ULK4: variants seen among roughly 807,000 people sequenced by gnomAD.
ULK4 encodes the protein inactive serine/threonine-protein kinase ULK4.
ULK4 carries 133 observed loss-of-function variants against 160.6 expected under a neutral mutation model. The ratio of observed to expected loss-of-function variants is 0.83; its 90% CI spans 0.72 to 0.96. The LOEUF is 0.96. Ranked by LOEUF, ULK4 falls within the 40% of genes least tolerant of loss-of-function variation. The pLI, the probability that ULK4 is intolerant of heterozygous loss-of-function variation, is 0.00. For synonymous variants in ULK4, 534 were observed against 539.8 expected (o/e 0.99, Z 0.15); for missense variants, 1,580 against 1,499.5 (o/e 1.05, Z -0.89).
At chr3:41,830,376 T>C (rs1055821787) in intron 18 of ULK4, among the ~76,000 whole-genome samples, 5 of 152,134 alleles carry the variant, frequency 3.3e-5, no homozygotes, top group Non-Finnish European at 5.9e-5. Context: ...TGTATGATTC[T>C]ATCTGCATAA....
At chr3:41,815,083 A>G (rs1249092909) in intron 19 of ULK4, among the ~76,000 whole-genome samples, 1 of 151,878 alleles carries the variant, frequency 6.6e-6, no homozygotes, top group Non-Finnish European at 1.5e-5. Flanking sequence ...TAATTTTTGT[A>G]TTTTTAGCAG....
At chr3:41,817,816 C>T (rs1017781408) in intron 19 of ULK4, among the ~76,000 whole-genome samples, 1 of 151,904 alleles carries the variant, frequency 6.6e-6, no homozygotes, top group African/African-American at 2.4e-5. Context: ...GACTTCAACT[C>T]AAGAGCAAAA....
chr3:41,379,425 G>A (rs1021775497), intron 35 of ULK4, among the ~76,000 whole-genome samples: 1 of 152,172 alleles, frequency 6.6e-6, no homozygotes, highest in African/African-American at 2.4e-5. Flanking sequence ...AAATCAAGAT[G>A]CCATGAGAAA....
chr3:41,534,182 C>G (rs2086413630), intron 32 of ULK4, among the ~76,000 whole-genome samples: 1 of 152,158 alleles, frequency 6.6e-6, no homozygotes, highest in Non-Finnish European at 1.5e-5. Flanking sequence ...AATACCAACT[C>G]AAACAGTTTA....
intron 32 of ULK4, among the ~76,000 whole-genome samples, chr3:41,485,395 T>A (rs972775125): frequency 6.6e-6 from 1 of 152,100 alleles, no homozygotes; most frequent in African/African-American, 2.4e-5. Context: ...GGAAGTTGAA[T>A]CTCTCCCCCA....
intron 5 of ULK4, among the ~76,000 whole-genome samples, chr3:41,931,500 G>A (rs895707452): frequency 7.2e-6 from 1 of 138,780 alleles, no homozygotes; most frequent in Non-Finnish European, 1.6e-5. Flanking sequence ...AAAGAAATAT[G>A]TTTCAACTGC....
At chr3:41,719,854 A>G (rs1422161643) in intron 22 of ULK4, among the ~76,000 whole-genome samples, 1 of 152,142 alleles carries the variant, frequency 6.6e-6, no homozygotes, top group African/African-American at 2.4e-5. Flanking sequence ...ACTCCCTATC[A>G]TGAACTTCAC....
rs2081780732 is a variant in ULK4, at chr3:41,385,310, A to G, written c.3678+12769T>C. 2.0e-5 allele frequency among the ~76,000 whole-genome samples: 3 copies of G among 152,148 alleles called. No individual in the cohort carries two copies. The South Asian group carries it at 6.2e-4, about 32-fold the overall frequency. The stretch of plus-strand genomic sequence containing the variant: ...AAAAAGAAGAGTAAAACTATCATCA[A>G]TGGCAACAGAAACTTGAAAGAGCAG... On this transcript the variant is annotated intron_variant, in intron 35 of 36. Coordinates refer to ENST00000301831, the MANE Select transcript of ULK4 (RefSeq NM_017886.4).
At chr3:41,898,645 G>C (rs150217766) in intron 13 of ULK4, among the ~76,000 whole-genome samples, 153 bp from the exon 14 acceptor site, 28 of 152,088 alleles carry the variant, frequency 1.8e-4, no homozygotes, top group Non-Finnish European at 3.7e-4. Context: ...ATGACTTTTC[G>C]GATTAAAACA....
chr3:41,322,600 C>T (rs1335435524), intron 35 of ULK4, among the ~76,000 whole-genome samples: 2 of 152,196 alleles, frequency 1.3e-5, no homozygotes, highest in African/African-American at 4.8e-5. Flanking sequence ...GATCAAGAAG[C>T]TACATTTCTT....
At chr3:41,903,265 A>G (rs62258656) in intron 12 of ULK4, among the ~76,000 whole-genome samples, 10,324 of 152,234 alleles carry the variant, frequency 0.068, 499 homozygotes, top group Admixed American at 0.15. Flanking sequence ...AGCCAAAATT[A>G]ATCAATGGGA....
chr3:41,694,278 G>A (rs146131728), intron 27 of ULK4, among the ~76,000 whole-genome samples: 16 of 152,292 alleles, frequency 1.1e-4, no homozygotes, highest in African/African-American at 3.1e-4. Flanking sequence ...ATGTAAGTAC[G>A]TATAGCCGTC....
intron 17 of ULK4, among the ~76,000 whole-genome samples, chr3:41,846,802 C>A (rs2042080173): frequency 8.7e-6 from 1 of 115,454 alleles, no homozygotes; most frequent in Non-Finnish European, 1.7e-5. Context: ...GAGACTCTCT[C>A]TCTCAAAAAA....
At chr3:41,529,145 G>A (rs9811285) in intron 32 of ULK4, among the ~76,000 whole-genome samples, 121 of 152,270 alleles carry the variant, frequency 7.9e-4, no homozygotes, top group African/African-American at 2.8e-3. Flanking sequence ...TTACCTTAAT[G>A]AGTAACTTCA....
At chr3:41,547,816 G>T (rs1223125691) in intron 32 of ULK4, among the ~76,000 whole-genome samples, 1 of 152,200 alleles carries the variant, frequency 6.6e-6, no homozygotes, top group East Asian at 1.9e-4. Context: ...AATGTGGCCA[G>T]TTTCCAGCAA....
At chr3:41,780,207 G>C (rs1003462865) in intron 21 of ULK4, among the ~76,000 whole-genome samples, 4 of 151,790 alleles carry the variant, frequency 2.6e-5, no homozygotes, top group African/African-American at 9.7e-5. Context: ...CAGCCACCCT[G>C]GAAGGTGGAA....
At chr3:41,870,833 A>G (rs558931614) in intron 17 of ULK4, among the ~76,000 whole-genome samples, 45 of 152,252 alleles carry the variant, frequency 3.0e-4, no homozygotes, top group African/African-American at 1.0e-3. Flanking sequence ...CCACTGTGAT[A>G]TAGTTTGGCT....
chr3:41,464,050 C>G (rs990936231), intron 32 of ULK4, among the ~76,000 whole-genome samples: 10 of 150,576 alleles, frequency 6.6e-5, no homozygotes, highest in African/African-American at 2.4e-4. Context: ...ATATTTTACA[C>G]ACGCAGATGG....
intron 16 of ULK4, among the ~76,000 whole-genome samples, chr3:41,884,160 C>T (rs1697632553): frequency 6.6e-6 from 1 of 152,088 alleles, no homozygotes; most frequent in Non-Finnish European, 1.5e-5. Context: ...CCGTAATGTC[C>T]GCTGCAATAC....
Sources: allele counts gnomAD v4.1 joint callset (sites outside exome capture counted in the v4.1 genomes callset), GRCh38; gene constraint gnomAD v4.1.1; transcripts MANE v1.5; gene names NCBI Gene and HGNC (gene_info 2026-07-23, HGNC 2026-07-21).